The following MCRS1 variants were observed in gnomAD, a reference collection of about 807,000 sequenced individuals.
MCRS1 encodes 58 kDa microspherule protein.
A neutral mutation model predicts 62.9 loss-of-function variants in MCRS1; 22 were observed. The observed-to-expected ratio is 0.35, with a 90% CI of 0.25 to 0.50. MCRS1 has a LOEUF of 0.50. MCRS1 is among the 20% of genes least tolerant of loss of function. The probability of loss-of-function intolerance (pLI) is 0.98; values close to 1 mark genes in which losing one functional copy is unlikely to be tolerated. For missense variants in MCRS1, 456 were observed against 601.1 expected, an observed-to-expected ratio of 0.76 and a Z score of 2.52; for synonymous variants, 244 against 233.5, an observed-to-expected ratio of 1.04 and a Z score of -0.41.
intron 3 of MCRS1, 117 bp downstream of exon 3, chr12:49,565,960 T>G: frequency 7.1e-7 from 1 of 1,409,492 alleles, no homozygotes; most frequent in African/African-American, 1.4e-5. Context: ...GCTCTGCCAA[T>G]ACTAAGGCCC....
In MCRS1 at chr12:49,566,133, C is replaced by A. The variant is rs753890084; in HGVS notation, c.93G>T (p.Gln31His). 6.2e-7 allele frequency: 1 copy of A among 1,614,250 alleles called. No individual in the cohort carries two copies. The highest frequency in any genetic ancestry group is 1.1e-5 in the South Asian group (1 of 91,088). The change falls in exon 3 of 15, where the codon CAG (glutamine) becomes CAT (histidine). Residue 31 changes from glutamine (Q) to histidine (H), a missense_variant. Physicochemically the swap from Gln to His is conservative, Grantham distance 24. Coordinates refer to ENST00000343810, the MANE Select transcript of MCRS1 (RefSeq NM_006337.5). Reference protein sequence around the residue: ...RSEDEESLAGQKRASSQALGT... With the variant: ...RSEDEESLAGHKRASSQALGT... ...CCAAGGCCTGGGAGGAGGCTCGCTT[C>A]TGCCCTGCCAGTGACTCCTCATCCT...
At chr12:49,565,070 C>T (rs982367061) in intron 4 of MCRS1, 175 bp from the exon 5 acceptor site, 28 of 985,258 alleles carry the variant, frequency 2.8e-5, no homozygotes, top group Non-Finnish European at 3.4e-5. Context: ...ATACCCACCC[C>T]CATCCCACCA....
At chr12:49,566,276 A>G in intron 2 of MCRS1, 61 bp from the exon 3 acceptor site, 1 of 1,576,918 alleles carries the variant, frequency 6.3e-7, no homozygotes, top group Non-Finnish European at 8.6e-7. Context: ...TGCAAATGGG[A>G]CCCCTCCCCA....
chr12:49,558,618 G>A lies in MCRS1; in HGVS notation c.*25C>T, dbSNP rs754187514. The A allele has an allele frequency of 6.2e-7, 1 of 1,607,168 alleles. No individual in the cohort carries two copies. Among genetic ancestry groups the A allele is most frequent in the East Asian group, 2.2e-5 (1 of 44,806 alleles). On this transcript the variant is annotated 3_prime_UTR_variant, in exon 15 of 15. Coordinates refer to ENST00000343810, the MANE Select transcript of MCRS1 (RefSeq NM_006337.5). ...GTGGCAGGGGAAACAGGCCGGAGAGGGCCCACGAGTCCTGCCACCACTCCT... is the reference window on the plus strand; with the variant it reads ...GTGGCAGGGGAAACAGGCCGGAGAGAGCCCACGAGTCCTGCCACCACTCCT...
In MCRS1 at chr12:49,560,385, G is replaced by A; in HGVS notation, c.806-15C>T. ...CAGCGGCTGCACTGAACAAAGGACA[G>A]AGAAAGCGTGAGCACCAAGGGTCTT... On this transcript the variant is annotated splice_polypyrimidine_tract_variant and intron_variant, in intron 8 of 14. Transcript: ENST00000343810. 1.2e-6 allele frequency: 2 copies of A among 1,613,002 alleles called. No homozygotes were observed. The highest frequency in any genetic ancestry group is 1.7e-5 in the Admixed American group (1 of 60,028).
intron 4 of MCRS1, 24 bp from the exon 5 acceptor site, chr12:49,564,919 C>T: frequency 6.5e-7 from 1 of 1,542,076 alleles, no homozygotes; most frequent in Non-Finnish European, 8.8e-7. Flanking sequence ...AGGAACAAAC[C>T]AAGCTCAAAG....
intron 1 of MCRS1, among the ~76,000 whole-genome samples, chr12:49,567,455 T>C (rs1939121480): frequency 6.6e-6 from 1 of 152,026 alleles, no homozygotes; most frequent in Non-Finnish European, 1.5e-5. Flanking sequence ...CTGGACTTTC[T>C]CGGGGCGCTC....
intron 7 of MCRS1, 126 bp downstream of exon 7, chr12:49,563,312 A>G (rs1184688855): frequency 3.0e-6 from 4 of 1,353,412 alleles, no homozygotes; most frequent in Non-Finnish European, 4.1e-6. Flanking sequence ...GCCCCTGCCA[A>G]TGTGCACACG....
intron 8 of MCRS1, among the ~76,000 whole-genome samples, chr12:49,561,609 AT>A (rs1482628201): frequency 6.6e-6 from 1 of 152,224 alleles, no homozygotes; most frequent in Non-Finnish European, 1.5e-5. Flanking sequence ...TAACAAATAA[AT>A]TTACACAAAA....
Position 49,560,336 on chromosome 12 carries a change from G to T in MCRS1, c.840C>A (p.Asn280Lys). 6.2e-7 allele frequency: 1 copy of T among 1,614,250 alleles called. No homozygotes were observed. Among genetic ancestry groups the T allele is most frequent in the African/African-American group, 1.3e-5 (1 of 75,074 alleles). ...QPLPKGDQVL[N>K]FSDAEDLIDD... ...CAATCAGGTCCTCTGCATCAGAGAA[G>T]TTCAGCACTTGGTCCCCTTTGGGCA... Residue 280 changes from asparagine to lysine, a missense_variant, in exon 9 of 15, where the codon AAC (asparagine) becomes AAA (lysine). Asn to Lys is a moderately conservative substitution (Grantham distance 94). Transcript: ENST00000343810.
At position 49,563,062 on chromosome 12, in the gene MCRS1, C is replaced by T. The variant is rs1387119924; in HGVS notation, c.744G>A (p.Ala248=). 4.4e-6 allele frequency: 7 copies of T among 1,580,232 alleles called. No homozygotes were observed. Among genetic ancestry groups the T allele is most frequent in the Admixed American group, 1.8e-5 (1 of 55,896 alleles). Residue 248 remains alanine, a synonymous_variant, in exon 8 of 15, where the codon GCG becomes GCA. Coordinates refer to ENST00000343810, the MANE Select transcript of MCRS1 (RefSeq NM_006337.5). ...GCTGCCAGTGGGCCTGCAGGGCCTTCGCGGTACGGGCCAGGTAGAAGGCAT... is the reference window on the plus strand; with the variant it reads ...GCTGCCAGTGGGCCTGCAGGGCCTTTGCGGTACGGGCCAGGTAGAAGGCAT... The part of the protein sequence containing the change: ...HPDAFYLART[A]KALQAHWQLM...
rs1938575198 is a variant in MCRS1, at chr12:49,558,612, GGA to G, written c.*29_*30del. The G allele has an allele frequency of 1.2e-6, 2 of 1,603,802 alleles. No individual in the cohort carries two copies. The highest frequency in any genetic ancestry group is 1.7e-5 in the Admixed American group (1 of 59,814). ...GCTGGAGTGGCAGGGGAAACAGGCC[GGA>G]GAGGGCCCACGAGTCCTGCCACCAC... On this transcript the variant is annotated 3_prime_UTR_variant, in exon 15 of 15. Coordinates refer to ENST00000343810, the MANE Select transcript of MCRS1 (RefSeq NM_006337.5).
At chr12:49,563,653 G>T in intron 6 of MCRS1, 107 bp from the exon 7 acceptor site, 1 of 778,450 alleles carries the variant, frequency 1.3e-6, no homozygotes. Flanking sequence ...CCAGAACCTA[G>T]AGGCCAGGCC....
In MCRS1 at chr12:49,563,468, A is replaced by G; in HGVS notation, c.636T>C (p.Ala212=). Residue 212 remains alanine (A), a synonymous_variant, in exon 7 of 15, where the codon GCT becomes GCC. Coordinates refer to ENST00000343810, the MANE Select transcript of MCRS1 (RefSeq NM_006337.5). ...AIQSKALFSK[A]EEQLLSKVGS... is the part of the protein sequence containing the mutation. ...CCACTTTGCTCAGCAGCTGCTCCTC[A>G]GCCTTGCTAAACAGGGCCTTGCTCT... The G allele has an allele frequency of 6.2e-7, 1 of 1,612,788 alleles. No individual in the cohort carries two copies. The highest frequency in any genetic ancestry group is 8.5e-7 in the Non-Finnish European group (1 of 1,179,614).
Position 49,559,001 on chromosome 12 carries a change from G to A in MCRS1, c.1175-31C>T, listed in dbSNP as rs372749198. The A allele has an allele frequency of 7.6e-5, 122 of 1,599,630 alleles. No homozygotes were observed. Among genetic ancestry groups the A allele is most frequent in the Non-Finnish European group, 9.1e-5 (107 of 1,179,408 alleles). On this transcript the variant is annotated intron_variant, in intron 13 of 14. Coordinates refer to ENST00000343810, the MANE Select transcript of MCRS1 (RefSeq NM_006337.5). The surrounding 1 kb of genome is among the most constrained non-coding windows in gnomAD (Gnocchi z 5.2). ...GAAGCAGAAAGAAAGAAGGGATGAT[G>A]GGATGGGGAGGGATTGATGGGATGG...
chr12:49,559,079 G>C lies in MCRS1; in HGVS notation c.1175-109C>G. ...CCATGGACCAGCTCTGCTTCCTGCA[G>C]ACACCAAGGAATCCCTGCCTCAGGT... On this transcript the variant is annotated intron_variant, in intron 13 of 14. Coordinates refer to ENST00000343810, the MANE Select transcript of MCRS1 (RefSeq NM_006337.5). The surrounding 1 kb of genome is among the most constrained non-coding windows in gnomAD (Gnocchi z 5.2). 1 of 1,545,614 alleles carries C rather than the reference G, an allele frequency of 6.5e-7. No homozygotes were observed. The highest frequency in any genetic ancestry group is 8.9e-7 in the Non-Finnish European group (1 of 1,126,158).
intron 7 of MCRS1, 83 bp downstream of exon 7, chr12:49,563,355 G>A: frequency 7.1e-7 from 1 of 1,414,230 alleles, no homozygotes; most frequent in Non-Finnish European, 9.8e-7. Context: ...CAGTGGGTGG[G>A]GAGCTCTCCA....
intron 2 of MCRS1, 141 bp downstream of exon 2, chr12:49,566,581 G>T: frequency 2.7e-6 from 4 of 1,482,504 alleles, no homozygotes; most frequent in South Asian, 2.4e-5. Flanking sequence ...TGGCTCTGCC[G>T]ACAGGTACAT....
At chr12:49,565,446 G>A in intron 4 of MCRS1, 83 bp downstream of exon 4, 1 of 1,529,378 alleles carries the variant, frequency 6.5e-7, no homozygotes, top group Non-Finnish European at 8.8e-7. Context: ...CTGCTCTGCA[G>A]GGCTCTTGGC....
Sources: gnomAD v4.1 joint callset for allele counts (sites outside exome capture counted in the v4.1 genomes callset) on GRCh38, gnomAD v4.1.1 for gene constraint, Gnocchi (gnomAD v3.1) non-coding constraint, MANE v1.5 for transcripts, NCBI Gene and HGNC (gene_info 2026-07-23, HGNC 2026-07-21) for gene names.